SH3RF3: variants seen among roughly 807,000 people sequenced by gnomAD.
SH3RF3 encodes the protein SH3 domain containing ring finger 3.
Under a neutral mutation model 66.3 loss-of-function variants are expected in SH3RF3, and 29 were observed. That is an observed-to-expected ratio of 0.44 (90% confidence interval 0.33 to 0.60). SH3RF3 has a LOEUF of 0.60. Among genes scored for constraint, SH3RF3 ranks in the 20% least tolerant of loss-of-function variants. SH3RF3 has a pLI of 0.04. For missense variants in SH3RF3, 1,194 were observed against 1,190.9 expected (o/e 1.00, Z -0.04); for synonymous variants, 583 against 532.0 (o/e 1.10, Z -1.32).
chr2:109,432,321 G>A (rs1265633996), intron 5 of SH3RF3, among the ~76,000 whole-genome samples, 180 bp from the exon 6 acceptor site: 1 of 152,208 alleles, frequency 6.6e-6, no homozygotes, highest in Non-Finnish European at 1.5e-5. Flanking sequence ...TCGTGGGTTT[G>A]TTATGAGGAG....
chr2:109,415,742 C>CG (rs1676707218), intron 4 of SH3RF3, among the ~76,000 whole-genome samples: 1 of 152,220 alleles, frequency 6.6e-6, no homozygotes, highest in Non-Finnish European at 1.5e-5. Flanking sequence ...ACCGTCACTT[C>CG]ATCTGGCCTC....
chr2:109,412,167 T>C (rs1464105762), intron 4 of SH3RF3, among the ~76,000 whole-genome samples: 1 of 152,264 alleles, frequency 6.6e-6, no homozygotes, highest in Non-Finnish European at 1.5e-5. Flanking sequence ...TGGTCCACGA[T>C]GCGTGTGCTC....
chr2:109,318,980 C>A (rs186248125), intron 1 of SH3RF3, among the ~76,000 whole-genome samples: 1 of 152,316 alleles, frequency 6.6e-6, no homozygotes, highest in Admixed American at 6.5e-5. Flanking sequence ...AAGTGTCTGT[C>A]CCAGAACAGA....
intron 9 of SH3RF3, among the ~76,000 whole-genome samples, chr2:109,496,008 C>A (rs754187779): frequency 6.6e-6 from 1 of 152,194 alleles, no homozygotes; most frequent in Non-Finnish European, 1.5e-5. Context: ...CAGACCTTCG[C>A]GGTGAAGAGC....
At chr2:109,284,686 A>T (rs1250301389) in intron 1 of SH3RF3, among the ~76,000 whole-genome samples, 1 of 152,130 alleles carries the variant, frequency 6.6e-6, no homozygotes, top group Non-Finnish European at 1.5e-5. Flanking sequence ...GATTTTTTTG[A>T]GACCCTTCCC....
chr2:109,350,551 C>A (rs1682816137), intron 2 of SH3RF3, among the ~76,000 whole-genome samples: 1 of 152,188 alleles, frequency 6.6e-6, no homozygotes, highest in South Asian at 2.1e-4. Flanking sequence ...GATTGGCCAC[C>A]CCTGCTACCT....
chr2:109,455,804 C>T (rs1242474285), intron 8 of SH3RF3, among the ~76,000 whole-genome samples: 1 of 152,222 alleles, frequency 6.6e-6, no homozygotes, highest in Non-Finnish European at 1.5e-5. Context: ...TCCAGGTTTA[C>T]CAGTGCCATT....
chr2:109,175,150 T>C (rs1466953337), intron 1 of SH3RF3, among the ~76,000 whole-genome samples: 1 of 152,186 alleles, frequency 6.6e-6, no homozygotes, highest in Non-Finnish European at 1.5e-5. Context: ...AACCGGGACC[T>C]AGTCCTGGTC....
chr2:109,164,161 G>GCCTCC (rs1336390164), intron 1 of SH3RF3, among the ~76,000 whole-genome samples: 7 of 152,034 alleles, frequency 4.6e-5, no homozygotes. Flanking sequence ...AAACTCTGAT[G>GCCTCC]CCTCTCTCTT....
At chr2:109,449,071 C>A in intron 7 of SH3RF3, 99 bp from the exon 8 acceptor site, 1 of 1,398,920 alleles carries the variant, frequency 7.1e-7, no homozygotes, top group Non-Finnish European at 9.7e-7. Flanking sequence ...GCTGTGAGTG[C>A]TCGAGAAGGG....
intron 7 of SH3RF3, among the ~76,000 whole-genome samples, chr2:109,444,573 C>A (rs1221483691): frequency 6.6e-6 from 1 of 152,194 alleles, no homozygotes; most frequent in African/African-American, 2.4e-5. Flanking sequence ...GAAGAGAGAG[C>A]CCCAACCCTG....
intron 9 of SH3RF3, among the ~76,000 whole-genome samples, chr2:109,491,393 G>A (rs192994377): frequency 2.0e-5 from 3 of 152,288 alleles, no homozygotes; most frequent in East Asian, 3.9e-4. Context: ...TACTCAAGAC[G>A]GCTTCAAGTC....
intron 9 of SH3RF3, among the ~76,000 whole-genome samples, chr2:109,499,180 A>G (rs1679327962): frequency 6.6e-6 from 1 of 152,176 alleles, no homozygotes; most frequent in Non-Finnish European, 1.5e-5. Flanking sequence ...GGAGGCCACC[A>G]GGGAAGGCAT....
Position 109,394,921 on chromosome 2 carries a change from G to A in SH3RF3, c.946-3669G>A, listed in dbSNP as rs530746203. ...TGCTCCTAATGGGTGCACGGGAGCC[G>A]CCGTCCCGCACAGGCACTGGCAGGC... On this transcript the variant is annotated intron_variant, in intron 3 of 9. Transcript: ENST00000309415. Among the ~76,000 whole-genome samples, 622 of 152,362 alleles carry A rather than the reference G, an allele frequency of 4.1e-3. 5 individuals carry two copies. The highest frequency in any genetic ancestry group is 5.1e-3 in the Non-Finnish European group (348 of 68,034).
intron 1 of SH3RF3, among the ~76,000 whole-genome samples, chr2:109,288,145 T>G (rs1187361310): frequency 6.6e-6 from 1 of 152,244 alleles, no homozygotes; most frequent in African/African-American, 2.4e-5. Context: ...GCTGTGAACC[T>G]TGGTTTCCAA....
intron 1 of SH3RF3, among the ~76,000 whole-genome samples, chr2:109,282,179 T>G (rs557998682): frequency 1.3e-5 from 2 of 152,146 alleles, no homozygotes; most frequent in Admixed American, 6.5e-5. Context: ...CTATTTTTCT[T>G]TTTATCTTGT....
intron 1 of SH3RF3, among the ~76,000 whole-genome samples, chr2:109,304,467 C>T (rs1174624540): frequency 6.6e-6 from 1 of 152,182 alleles, no homozygotes; most frequent in East Asian, 1.9e-4. Context: ...GCTAGGGGTT[C>T]CTTGTTCCCT....
rs372956096 is a variant in SH3RF3, at chr2:109,264,150, C to T, written c.574-83524C>T. Among the ~76,000 whole-genome samples the T allele has an allele frequency of 8.6e-4, 127 of 148,392 alleles. 1 individual carries two copies. Among genetic ancestry groups the T allele is most frequent in the African/African-American group, 3.0e-3 (119 of 40,298 alleles). On this transcript the variant is annotated intron_variant, in intron 1 of 9. Transcript: ENST00000309415. Reference sequence around the variant, plus strand: ...AGGATCCACCTCGAGTCTGTGGGTGCCCCCCATCCACCTCCCCAGGATCCA... The same window carrying T: ...AGGATCCACCTCGAGTCTGTGGGTGTCCCCCATCCACCTCCCCAGGATCCA...
intron 1 of SH3RF3, among the ~76,000 whole-genome samples, chr2:109,316,798 T>C (rs60272000): frequency 0.59 from 89,796 of 152,018 alleles, 27,904 homozygotes; most frequent in East Asian, 0.91. Context: ...ATGTGCTCTA[T>C]CTGGTTATCC....
Sources: allele counts gnomAD v4.1 joint callset (sites outside exome capture counted in the v4.1 genomes callset), GRCh38; gene constraint gnomAD v4.1.1; transcripts MANE v1.5; gene names NCBI Gene and HGNC (gene_info 2026-07-23, HGNC 2026-07-21).